SAMD5: variants seen among roughly 807,000 people sequenced by gnomAD.
SAMD5 encodes sterile alpha motif domain-containing protein 5.
Under a neutral mutation model 11.3 loss-of-function variants are expected in SAMD5, and 13 were observed. The observed-to-expected ratio is 1.15, with a 90% CI of 0.75 to 1.83. The LOEUF is 1.83. Among genes scored for constraint, SAMD5 ranks in the 40% most tolerant of loss-of-function variants. SAMD5 has a pLI of 0.00. For missense variants in SAMD5, 255 were observed against 239.1 expected, an observed-to-expected ratio of 1.07 and a Z score of -0.44; for synonymous variants, 129 against 111.3, an observed-to-expected ratio of 1.16 and a Z score of -1.00.
chr6:147,775,832 CAAGTT>C, the SAMD5 span, among the ~76,000 whole-genome samples: 1 of 152,168 alleles, frequency 6.6e-6, no homozygotes, highest in Non-Finnish European at 1.5e-5. Context: ...TGATCCAAGT[CAAGTT>C]ACCTAACCTC....
the SAMD5 span, among the ~76,000 whole-genome samples, chr6:147,930,281 G>C: frequency 7.2e-5 from 11 of 152,040 alleles, no homozygotes; most frequent in African/African-American, 2.4e-4. Flanking sequence ...TAGTCTCTAA[G>C]AAGTTCCAAA....
chr6:147,744,490 A>G, the SAMD5 span, among the ~76,000 whole-genome samples: 4 of 152,216 alleles, frequency 2.6e-5, no homozygotes, highest in Non-Finnish European at 5.9e-5. Context: ...TGATTTTTAT[A>G]TAGCTCACAG....
chr6:147,847,808 G>A, the SAMD5 span, among the ~76,000 whole-genome samples: 2 of 152,088 alleles, frequency 1.3e-5, no homozygotes, highest in Non-Finnish European at 2.9e-5. Context: ...AGCTGAGATT[G>A]CACCACTGCA....
Position 147,715,667 on chromosome 6 carries a change from G to A in SAMD5, c.163-21650G>A, listed in dbSNP as rs528683042. 1.3e-4 allele frequency among the ~76,000 whole-genome samples: 20 copies of A among 152,320 alleles called. No individual in the cohort carries two copies. In the East Asian group the frequency reaches 3.7e-3, roughly 28 times the overall value. On this transcript the variant is annotated intron_variant, in intron 1 of 1. Coordinates refer to the SAMD5 transcript ENST00000566741. ...GCCATTTGGCAGGTCCCAAGTTCTC[G>A]TCCTGCGTCCAGGAAGAATGAAGTA...
intron 1 of SAMD5, among the ~76,000 whole-genome samples, chr6:147,623,399 C>A (rs1790001811): frequency 1.3e-5 from 2 of 152,188 alleles, no homozygotes; most frequent in Non-Finnish European, 2.9e-5. Context: ...TATCAAAGGA[C>A]TTTGACACAA....
Position 147,568,877 on chromosome 6 carries a change from T to C in SAMD5, c.*4421T>C, listed in dbSNP as rs550154288. On this transcript the variant is annotated 3_prime_UTR_variant, in exon 2 of 2. Coordinates refer to ENST00000367474, the MANE Select transcript of SAMD5 (RefSeq NM_001030060.3). ...TTTCTAGTCCATGATCATTAATCCC[T>C]ACTATTTTAGATATTTCCATAAAAG... 151 of 965,792 alleles carry C rather than the reference T, an allele frequency of 1.6e-4. No homozygotes were observed. The highest frequency in any genetic ancestry group is 5.3e-4 in the Middle Eastern group (1 of 1,886). 59.8% of individuals were successfully genotyped at this position (965,792 alleles called of 1,614,324 possible). A position where few individuals can be genotyped will look rare whatever the true frequency, so the allele number is the denominator to read the frequency against.
the SAMD5 span, among the ~76,000 whole-genome samples, chr6:147,773,591 C>T: frequency 3.5e-4 from 53 of 152,270 alleles, no homozygotes; most frequent in South Asian, 3.3e-3. Flanking sequence ...TAGCTGTCTT[C>T]GTTTTGTGTC....
intron 1 of SAMD5, among the ~76,000 whole-genome samples, chr6:147,523,366 C>T (rs943295660): frequency 1.3e-5 from 2 of 152,154 alleles, no homozygotes; most frequent in Non-Finnish European, 2.9e-5. Context: ...TTAAAAAGGT[C>T]ATTGAAGCAA....
chr6:147,813,748 A>T, the SAMD5 span, among the ~76,000 whole-genome samples: 1 of 152,152 alleles, frequency 6.6e-6, no homozygotes, highest in Non-Finnish European at 1.5e-5. Context: ...GCCTGTGGGG[A>T]CAGCTAATTT....
downstream of SAMD5, among the ~76,000 whole-genome samples, chr6:147,572,181 T>C (rs1392953687): frequency 6.6e-6 from 1 of 151,952 alleles, no homozygotes; most frequent in Non-Finnish European, 1.5e-5. Flanking sequence ...TGAGGTTATG[T>C]GAGATGGTTA....
intron 1 of SAMD5, among the ~76,000 whole-genome samples, chr6:147,534,899 G>C (rs1446529808): frequency 2.0e-5 from 3 of 152,162 alleles, no homozygotes; most frequent in Non-Finnish European, 4.4e-5. Context: ...TCTGCTTTGG[G>C]ACAGGGCTGT....
At chr6:147,941,168 A>T in the SAMD5 span, among the ~76,000 whole-genome samples, 2 of 152,188 alleles carry the variant, frequency 1.3e-5, no homozygotes, top group Non-Finnish European at 2.9e-5. Context: ...TTCAATACAC[A>T]ATATTAGAGG....
chr6:147,654,592 T>C (rs73589515), intron 1 of SAMD5, among the ~76,000 whole-genome samples: 5,241 of 152,194 alleles, frequency 0.034, 311 homozygotes, highest in African/African-American at 0.12. Flanking sequence ...TTTCAGAGAA[T>C]GTTTTTTCTT....
chr6:147,910,043 T>C, the SAMD5 span, among the ~76,000 whole-genome samples: 1 of 152,142 alleles, frequency 6.6e-6, no homozygotes, highest in Non-Finnish European at 1.5e-5. Context: ...TTTTAGAGCA[T>C]TTAGTTTTCA....
chr6:147,916,041 T>C, the SAMD5 span, among the ~76,000 whole-genome samples: 3 of 152,100 alleles, frequency 2.0e-5, no homozygotes, highest in Non-Finnish European at 2.9e-5. Context: ...CTGAGAATGA[T>C]GGTTTCCAGC....
the SAMD5 span, among the ~76,000 whole-genome samples, chr6:147,883,590 C>T: frequency 1.3e-5 from 2 of 152,110 alleles, no homozygotes; most frequent in East Asian, 3.9e-4. Flanking sequence ...GATTATGTAG[C>T]CTTTACAAAA....
At chr6:147,580,187 G>A (rs975849750) in intron 1 of SAMD5, among the ~76,000 whole-genome samples, 1 of 152,182 alleles carries the variant, frequency 6.6e-6, no homozygotes, top group Non-Finnish European at 1.5e-5. Context: ...CCCCAGCACT[G>A]ACAACTGCTG....
chr6:147,903,579 A>C, the SAMD5 span, among the ~76,000 whole-genome samples: 13 of 152,210 alleles, frequency 8.5e-5, no homozygotes, highest in Non-Finnish European at 1.2e-4. Context: ...AAGCTTAAGC[A>C]GATATTTCTG....
chr6:147,771,442 G>A, the SAMD5 span, among the ~76,000 whole-genome samples: 3 of 152,106 alleles, frequency 2.0e-5, no homozygotes, highest in Admixed American at 6.5e-5. Flanking sequence ...AGGAATGAAG[G>A]CCCTGGTAAT....
Sources: allele counts gnomAD v4.1 joint callset (sites outside exome capture counted in the v4.1 genomes callset), GRCh38; gene constraint gnomAD v4.1.1; transcripts MANE v1.5; gene names NCBI Gene and HGNC (gene_info 2026-07-23, HGNC 2026-07-21).